The following CLNK variants were observed in gnomAD, a reference collection of about 807,000 sequenced individuals.
CLNK encodes cytokine dependent hematopoietic cell linker.
A neutral mutation model predicts 68.6 loss-of-function variants in CLNK; 74 were observed. That is an observed-to-expected ratio of 1.08 (90% CI 0.89 to 1.31). The LOEUF is 1.31. Ranked by LOEUF, CLNK falls within the 50% of genes most tolerant of loss-of-function variation. The pLI is 0.00. For missense variants in CLNK, 553 were observed against 515.3 expected (o/e 1.07, Z -0.71); for synonymous variants, 198 against 172.2 (o/e 1.15, Z -1.17).
intron 3 of CLNK, among the ~76,000 whole-genome samples, chr4:10,594,742 T>A (rs1721322009): frequency 2.0e-5 from 3 of 152,226 alleles, no homozygotes; most frequent in African/African-American, 4.8e-5. Flanking sequence ...TGACATATAC[T>A]TATAAATAAG....
chr4:10,504,918 C>T (rs1188034828), intron 17 of CLNK, among the ~76,000 whole-genome samples: 1 of 152,058 alleles, frequency 6.6e-6, no homozygotes, highest in African/African-American at 2.4e-5. Context: ...CTTAATGTTT[C>T]TTGGGAAGAG....
At chr4:10,665,925 G>A (rs1724379502) in intron 2 of CLNK, among the ~76,000 whole-genome samples, 1 of 152,176 alleles carries the variant, frequency 6.6e-6, no homozygotes, top group Admixed American at 6.5e-5. Flanking sequence ...ATGTAGTTAA[G>A]GATCTTGATA....
intron 11 of CLNK, among the ~76,000 whole-genome samples, chr4:10,539,018 C>T (rs1049618764): frequency 6.6e-6 from 1 of 152,200 alleles, no homozygotes; most frequent in African/African-American, 2.4e-5. Flanking sequence ...CTCCAGAAGC[C>T]GAGCAGATGC....
the CLNK span, among the ~76,000 whole-genome samples, chr4:10,712,197 G>A: frequency 6.6e-6 from 1 of 152,114 alleles, no homozygotes; most frequent in African/African-American, 2.4e-5. Context: ...GAAAGGTGAG[G>A]AGGTGCCAGT....
At chr4:10,666,160 C>G (rs993767455) in intron 2 of CLNK, among the ~76,000 whole-genome samples, 7 of 152,144 alleles carry the variant, frequency 4.6e-5, no homozygotes, top group Non-Finnish European at 5.9e-5. Context: ...TTCCCTTGAG[C>G]CTTTGGAGGG....
intron 14 of CLNK, among the ~76,000 whole-genome samples, chr4:10,522,391 T>C (rs757459279): frequency 6.6e-6 from 1 of 151,264 alleles, no homozygotes; most frequent in Non-Finnish European, 1.5e-5. Flanking sequence ...CTTGATAACA[T>C]GGTGAAACCC....
chr4:10,563,867 A>C (rs1348786682), intron 7 of CLNK, among the ~76,000 whole-genome samples: 1 of 152,172 alleles, frequency 6.6e-6, no homozygotes, highest in Non-Finnish European at 1.5e-5. Flanking sequence ...AGATTGTGCC[A>C]TTGCACTCCA....
chr4:10,616,400 C>T (rs1722227300), intron 2 of CLNK, among the ~76,000 whole-genome samples: 1 of 152,194 alleles, frequency 6.6e-6, no homozygotes, highest in South Asian at 2.1e-4. Context: ...ATATCTATAA[C>T]ATTGCGAATA....
At chr4:10,609,947 G>A (rs74425418) in intron 2 of CLNK, among the ~76,000 whole-genome samples, 6,076 of 151,540 alleles carry the variant, frequency 0.04, 179 homozygotes, top group Middle Eastern at 0.099. Context: ...CATGTGAGGT[G>A]ATCCGGGTCC....
intron 1 of CLNK, among the ~76,000 whole-genome samples, chr4:10,676,048 T>A (rs1271818492): frequency 4.8e-5 from 1 of 20,676 alleles, no homozygotes; most frequent in East Asian, 2.7e-3. Flanking sequence ...GCCAGAAGAG[T>A]GTGTGTGTGT....
chr4:10,644,092 G>A (rs1443959097), intron 2 of CLNK, among the ~76,000 whole-genome samples: 1 of 152,230 alleles, frequency 6.6e-6, no homozygotes, highest in Non-Finnish European at 1.5e-5. Flanking sequence ...AGGAAGCTGA[G>A]TATGGCTCAT....
chr4:10,648,746 A>G (rs1224636308), intron 2 of CLNK, among the ~76,000 whole-genome samples: 1 of 152,184 alleles, frequency 6.6e-6, no homozygotes, highest in African/African-American at 2.4e-5. Context: ...CCTTTGTTCC[A>G]TTCTTCTAGA....
At chr4:10,594,762 A>T (rs1235778793) in intron 3 of CLNK, among the ~76,000 whole-genome samples, 2 of 152,212 alleles carry the variant, frequency 1.3e-5, no homozygotes, top group Non-Finnish European at 2.9e-5. Context: ...GAATATACAT[A>T]TACATACATA....
At chr4:10,564,164 C>A (rs61795101) in intron 7 of CLNK, among the ~76,000 whole-genome samples, 6,149 of 147,462 alleles carry the variant, frequency 0.042, 188 homozygotes, top group Middle Eastern at 0.1. Context: ...TGCAGTGGTG[C>A]AAAATTATCT....
At chr4:10,702,095 A>G in the CLNK span, among the ~76,000 whole-genome samples, 1 of 152,238 alleles carries the variant, frequency 6.6e-6, no homozygotes, top group Non-Finnish European at 1.5e-5. Context: ...TCCCTAGTTT[A>G]TTCTGAAGAC....
Position 10,562,828 on chromosome 4 carries a change from T to C in CLNK, c.399+1843A>G, listed in dbSNP as rs73096285. Among the ~76,000 whole-genome samples the C allele has an allele frequency of 7.3e-3, 1,114 of 152,352 alleles. 13 individuals are homozygous for C. Among genetic ancestry groups the C allele is most frequent in the African/African-American group, 0.024 (1,000 of 41,586 alleles). ...TTTCAAAGTACACTTGCTTATCTAT[T>C]GTCTGTCTATTGTGCATTTATTTAT... On this transcript the variant is annotated intron_variant, in intron 7 of 18. Coordinates refer to ENST00000226951, the MANE Select transcript of CLNK (RefSeq NM_052964.4).
chr4:10,556,069 G>A lies in CLNK; in HGVS notation c.445+2338C>T, dbSNP rs539046669. On this transcript the variant is annotated intron_variant, in intron 8 of 18. Transcript: ENST00000226951. ...CACTGAAGTCCTCTTTGCAGTTGTG[G>A]CCTCAGTTTACACTGGAGTCTGCTT... 1.1e-4 allele frequency among the ~76,000 whole-genome samples: 16 copies of A among 152,284 alleles called. 1 individual carries two copies. In the South Asian group the frequency reaches 3.3e-3, roughly 32 times the overall value.
chr4:10,718,488 A>ATT, the CLNK span, among the ~76,000 whole-genome samples: 7 of 151,790 alleles, frequency 4.6e-5, no homozygotes, highest in Non-Finnish European at 7.4e-5. Context: ...GTGGCACAAT[A>ATT]TTTTTTAAGT....
intron 3 of CLNK, among the ~76,000 whole-genome samples, chr4:10,593,136 G>A (rs969762023): frequency 6.6e-6 from 1 of 152,184 alleles, no homozygotes; most frequent in African/African-American, 2.4e-5. Context: ...CTGTCACAAA[G>A]CTCTTTGCTT....
Sources: allele counts gnomAD v4.1 joint callset (sites outside exome capture counted in the v4.1 genomes callset), GRCh38; gene constraint gnomAD v4.1.1; transcripts MANE v1.5; gene names NCBI Gene and HGNC (gene_info 2026-07-23, HGNC 2026-07-21).